Variants in CTNNA1 observed in about 807,000 individuals in gnomAD.
CTNNA1 encodes the protein catenin alpha-1.
CTNNA1 carries 37 observed loss-of-function variants against 98.4 expected under a neutral mutation model. The ratio of observed to expected loss-of-function variants is 0.38; its 90% CI spans 0.29 to 0.49. The LOEUF (loss-of-function observed/expected upper bound fraction) is 0.49. Among genes scored for constraint, CTNNA1 ranks in the 20% least tolerant of loss-of-function variants. The probability of loss-of-function intolerance (pLI) is 0.95; values close to 1 mark genes in which losing one functional copy is unlikely to be tolerated. For synonymous variants in CTNNA1, 404 were observed against 413.2 expected, an observed-to-expected ratio of 0.98 and a Z score of 0.27; for missense variants, 761 against 1,147.2, an observed-to-expected ratio of 0.66 and a Z score of 4.86.
intron 7 of CTNNA1, among the ~76,000 whole-genome samples, chr5:138,858,017 C>T (rs1763879956): frequency 6.6e-6 from 1 of 152,178 alleles, no homozygotes; most frequent in Non-Finnish European, 1.5e-5. Flanking sequence ...CATATTTAGC[C>T]ATCCCTGTAT....
intron 17 of CTNNA1, 47 bp from the exon 18 acceptor site, chr5:138,933,755 G>A (rs79292751): frequency 1.3e-6 from 2 of 1,589,504 alleles, no homozygotes; most frequent in South Asian, 1.2e-5. Context: ...TGTCCACGAG[G>A]CTGGAGGTCA....
intron 5 of CTNNA1, among the ~76,000 whole-genome samples, chr5:138,816,992 T>A (rs548613621): frequency 1.2e-4 from 18 of 152,356 alleles, no homozygotes; most frequent in African/African-American, 3.6e-4. Context: ...TGACCCACCG[T>A]GCCCGGCTAC....
intron 5 of CTNNA1, among the ~76,000 whole-genome samples, chr5:138,822,393 A>C (rs564925259): frequency 7.9e-5 from 12 of 152,348 alleles, no homozygotes; most frequent in African/African-American, 2.9e-4. Context: ...GATGACCGTA[A>C]GTGTCTTTGG....
At chr5:138,794,513 G>A (rs927952624) in intron 3 of CTNNA1, among the ~76,000 whole-genome samples, 1 of 152,180 alleles carries the variant, frequency 6.6e-6, no homozygotes, top group Non-Finnish European at 1.5e-5. Flanking sequence ...GCTTGATTGA[G>A]AAGATTAAAG....
chr5:138,886,301 G>T lies in CTNNA1; in HGVS notation c.1143+9G>T. ...GGGACTTGCGTAGACAGGTAATCTG[G>T]ATGAAAGTGCTGATTGTTTTTCTAA... On this transcript the variant is annotated intron_variant, in intron 8 of 17. Coordinates refer to ENST00000302763, the MANE Select transcript of CTNNA1 (RefSeq NM_001903.5). 1 of 1,576,292 alleles carries T rather than the reference G, an allele frequency of 6.3e-7. No individual in the cohort carries two copies. The highest frequency in any genetic ancestry group is 1.2e-5 in the South Asian group (1 of 83,246).
chr5:138,933,725 C>T (rs993389035), intron 17 of CTNNA1, 77 bp from the exon 18 acceptor site: 18 of 1,503,176 alleles, frequency 1.2e-5, no homozygotes, highest in Middle Eastern at 2.5e-4. Context: ...GGGGGCTCCC[C>T]TTCAAGCACA....
rs964996348 is a variant in CTNNA1 at position 138,934,760 on chromosome 5, C to T, written c.*671C>T. 1.3e-5 allele frequency: 2 copies of T among 152,558 alleles called. No homozygotes were observed. The highest frequency in any genetic ancestry group is 4.8e-5 in the African/African-American group (2 of 41,396). The allele number at this position is 152,558 out of a possible 1,614,324, so 9.5% of individuals were successfully genotyped here. ...GAACACACTTTTTTTCCTCTTTCTCCCAGCTTCAAATGCAAATTCATCATT... is the reference window on the plus strand; with the variant it reads ...GAACACACTTTTTTTCCTCTTTCTCTCAGCTTCAAATGCAAATTCATCATT... On this transcript the variant is annotated 3_prime_UTR_variant, in exon 18 of 18. Transcript: ENST00000302763.
chr5:138,890,011 A>G (rs1487898218), intron 9 of CTNNA1, among the ~76,000 whole-genome samples: 1 of 152,192 alleles, frequency 6.6e-6, no homozygotes, highest in Non-Finnish European at 1.5e-5. Context: ...TGTTTTAAGC[A>G]AAGGTAAAAT....
At chr5:138,860,949 C>T (rs1267240313) in intron 7 of CTNNA1, among the ~76,000 whole-genome samples, 1 of 152,112 alleles carries the variant, frequency 6.6e-6, no homozygotes, top group East Asian at 1.9e-4. Flanking sequence ...TTCTCTTTCC[C>T]ACTGCCATTT....
At chr5:138,809,622 G>C (rs1758464040) in intron 3 of CTNNA1, among the ~76,000 whole-genome samples, 2 of 152,154 alleles carry the variant, frequency 1.3e-5, no homozygotes, top group Admixed American at 1.3e-4. Context: ...AAGTGTGGTG[G>C]TTCTGCATAA....
At chr5:138,872,510 TC>T (rs1285319726) in intron 7 of CTNNA1, 1 of 152,802 alleles carries the variant, frequency 6.5e-6, no homozygotes, top group Non-Finnish European at 1.5e-5. Flanking sequence ...AAATTCTACT[TC>T]CCACCCTGGC....
intron 7 of CTNNA1, among the ~76,000 whole-genome samples, chr5:138,884,964 C>T (rs549917880): frequency 6.6e-6 from 1 of 152,262 alleles, no homozygotes; most frequent in African/African-American, 2.4e-5. Flanking sequence ...GGGGGAAAGG[C>T]TTAAGGAATG....
At chr5:138,810,369 T>C (rs1229594466) in intron 4 of CTNNA1, among the ~76,000 whole-genome samples, 165 bp downstream of exon 4, 1 of 152,212 alleles carries the variant, frequency 6.6e-6, no homozygotes, top group African/African-American at 2.4e-5. Context: ...CTATTCCAAG[T>C]ATATATCATC....
chr5:138,874,293 G>C lies in CTNNA1; in HGVS notation c.1063-11919G>C. The C allele has an allele frequency of 6.2e-7, 1 of 1,614,034 alleles. No homozygotes were observed. The highest frequency in any genetic ancestry group is 1.3e-5 in the African/African-American group (1 of 75,050). On this transcript the variant is annotated intron_variant, in intron 7 of 17. Transcript: ENST00000302763. The surrounding 1 kb of genome is among the most constrained non-coding windows in gnomAD (Gnocchi z 4.1). ...GAAATTTGATTGTGATCTAAGTGGA[G>C]CCAAGTAAGTTGACTGAAGCTGGCA... is the stretch of plus-strand genomic sequence containing the variant.
At chr5:138,921,730 A>G (rs967521004) in intron 11 of CTNNA1, among the ~76,000 whole-genome samples, 2 of 150,022 alleles carry the variant, frequency 1.3e-5, no homozygotes, top group Non-Finnish European at 2.9e-5. Flanking sequence ...CCTCCTGAGT[A>G]GCTGGGATTA....
At chr5:138,795,151 CAAAAAAAAAAAAAA>C (rs35532090) in intron 3 of CTNNA1, among the ~76,000 whole-genome samples, 1 of 81,678 alleles carries the variant, frequency 1.2e-5, no homozygotes, top group Non-Finnish European at 2.4e-5. Context: ...GTGAGACTCT[CAAAAAAAAAAAAAA>C]AAAAAAAAAG....
rs1215466689 is a variant in CTNNA1 at position 138,789,385 on chromosome 5, CA to C, written c.301+6014del. ...AGAAAAATAGACTGTGCAAGATGGGCATGAGAAACAGTGAGGTCCCTGGCTG... is the reference window on the plus strand; with the variant it reads ...AGAAAAATAGACTGTGCAAGATGGGCTGAGAAACAGTGAGGTCCCTGGCTG... On this transcript the variant is annotated intron_variant, in intron 3 of 17. Coordinates refer to ENST00000302763, the MANE Select transcript of CTNNA1 (RefSeq NM_001903.5). Among the ~76,000 whole-genome samples the C allele has an allele frequency of 1.1e-4, 16 of 152,250 alleles. No individual in the cohort carries two copies. The East Asian group carries it at 3.1e-3, about 29-fold the overall frequency.
At position 138,781,928 on chromosome 5, in the gene CTNNA1, A is replaced by C; in HGVS notation, c.4A>C (p.Thr2Pro). Residue 2 changes from threonine (T) to proline (P), a missense_variant, in exon 2 of 18, where the codon ACT becomes CCT. Transcript: ENST00000302763. The part of the protein sequence containing the change: M[T>P]AVHAGNINFK... Reference sequence around the variant, plus strand: ...ACTTTTTGTTTCTTATTTAGAAATGACTGCTGTCCATGCAGGCAACATAAA... The same window carrying C: ...ACTTTTTGTTTCTTATTTAGAAATGCCTGCTGTCCATGCAGGCAACATAAA... 1 of 1,579,236 alleles carries C rather than the reference A, an allele frequency of 6.3e-7. No homozygotes were observed. The highest frequency in any genetic ancestry group is 8.5e-7 in the Non-Finnish European group (1 of 1,171,314).
chr5:138,814,504 A>T (rs974632273), intron 5 of CTNNA1, among the ~76,000 whole-genome samples: 3 of 152,224 alleles, frequency 2.0e-5, no homozygotes, highest in Non-Finnish European at 4.4e-5. Flanking sequence ...AATCCTATAA[A>T]TGTGGCAAGC....
Sources: allele counts gnomAD v4.1 joint callset (sites outside exome capture counted in the v4.1 genomes callset), GRCh38; gene constraint gnomAD v4.1.1; non-coding constraint Gnocchi (gnomAD v3.1); transcripts MANE v1.5; gene names NCBI Gene and HGNC (gene_info 2026-07-23, HGNC 2026-07-21).